LRRTM4: variants seen among roughly 807,000 people sequenced by gnomAD.
LRRTM4 encodes the protein leucine-rich repeat transmembrane neuronal protein 4.
LRRTM4 carries 25 observed loss-of-function variants against 47.6 expected under a neutral mutation model. The observed-to-expected ratio is 0.53, with a 90% CI of 0.38 to 0.73. The LOEUF is 0.73. Ranked by LOEUF, LRRTM4 falls within the 30% of genes least tolerant of loss-of-function variation. The pLI is 0.00. For synonymous variants in LRRTM4, 311 were observed against 269.5 expected, an observed-to-expected ratio of 1.15 and a Z score of -1.51; for missense variants, 638 against 713.4, an observed-to-expected ratio of 0.89 and a Z score of 1.20.
intron 3 of LRRTM4, among the ~76,000 whole-genome samples, chr2:77,016,132 A>T (rs1393908110): frequency 1.3e-5 from 2 of 152,102 alleles, no homozygotes; most frequent in Admixed American, 1.3e-4. Flanking sequence ...TCATGCCTAT[A>T]ATCCCAGCAC....
intron 3 of LRRTM4, among the ~76,000 whole-genome samples, chr2:77,376,610 T>C (rs1672851338): frequency 6.6e-6 from 1 of 151,772 alleles, no homozygotes; most frequent in African/African-American, 2.4e-5. Context: ...CTTATGCCGA[T>C]TGATCTCTCT....
At chr2:77,217,279 G>T (rs1432610435) in intron 3 of LRRTM4, among the ~76,000 whole-genome samples, 1 of 149,960 alleles carries the variant, frequency 6.7e-6, no homozygotes, top group Non-Finnish European at 1.5e-5. Flanking sequence ...AGAATTTTGA[G>T]GTTAACCTAC....
chr2:77,149,230 A>G (rs1335085802), intron 3 of LRRTM4, among the ~76,000 whole-genome samples: 1 of 152,130 alleles, frequency 6.6e-6, no homozygotes, highest in African/African-American at 2.4e-5. Context: ...AAATATCTCA[A>G]TGACCTTTTT....
intron 3 of LRRTM4, among the ~76,000 whole-genome samples, chr2:76,829,176 T>G (rs548786530): frequency 2.2e-4 from 34 of 152,098 alleles, no homozygotes; most frequent in Non-Finnish European, 4.4e-4. Context: ...CTCTGGAGAT[T>G]GGCCACACAG....
intron 3 of LRRTM4, among the ~76,000 whole-genome samples, chr2:76,753,915 G>A (rs953815208): frequency 3.3e-5 from 5 of 152,052 alleles, no homozygotes; most frequent in Admixed American, 6.6e-5. Context: ...GTTGTAAGTC[G>A]CTTAAGAGTC....
intron 3 of LRRTM4, among the ~76,000 whole-genome samples, chr2:76,994,062 C>T (rs971455977): frequency 1.3e-5 from 2 of 151,840 alleles, no homozygotes; most frequent in East Asian, 1.9e-4. Flanking sequence ...ACATTGGGTA[C>T]TCGTGGACAT....
chr2:77,143,750 G>C (rs1481702154), intron 3 of LRRTM4, among the ~76,000 whole-genome samples: 2 of 152,152 alleles, frequency 1.3e-5, no homozygotes, highest in Non-Finnish European at 2.9e-5. Flanking sequence ...TAAGAGCCCA[G>C]TAGTAAAATA....
At chr2:76,896,220 A>G (rs1673413010) in intron 3 of LRRTM4, among the ~76,000 whole-genome samples, 1 of 152,072 alleles carries the variant, frequency 6.6e-6, no homozygotes, top group Non-Finnish European at 1.5e-5. Context: ...ACAAACACAC[A>G]CACACACAGA....
chr2:76,853,305 T>C (rs1056873033), intron 3 of LRRTM4, among the ~76,000 whole-genome samples: 41 of 152,256 alleles, frequency 2.7e-4, no homozygotes, highest in Non-Finnish European at 4.3e-4. Flanking sequence ...CAGAACTCAA[T>C]TGAATTGAAA....
chr2:77,076,464 C>T lies in LRRTM4; in HGVS notation c.1552-327548G>A, dbSNP rs555054432. On this transcript the variant is annotated intron_variant, in intron 3 of 3. Transcript: ENST00000409884. ...CTTGAAATATAGTCAGAGAATGAAACAAGCAGTGTATAAAAAACAGATATT... is the reference window on the plus strand; with the variant it reads ...CTTGAAATATAGTCAGAGAATGAAATAAGCAGTGTATAAAAAACAGATATT... Among the ~76,000 whole-genome samples the T allele has an allele frequency of 1.2e-4, 19 of 152,220 alleles. No homozygotes were observed. The South Asian group carries it at 3.7e-3, about 30-fold the overall frequency.
intron 3 of LRRTM4, among the ~76,000 whole-genome samples, chr2:77,465,873 G>C (rs1178555368): frequency 6.6e-6 from 1 of 150,668 alleles, no homozygotes. Context: ...TCACTGATTA[G>C]ATTCCTATTA....
intron 3 of LRRTM4, among the ~76,000 whole-genome samples, chr2:77,151,828 CA>C (rs1166756668): frequency 1.3e-5 from 2 of 152,036 alleles, no homozygotes; most frequent in African/African-American, 2.4e-5. Flanking sequence ...GCAGATCAAA[CA>C]TTTTTTTAAA....
At chr2:77,012,205 C>G (rs531283675) in intron 3 of LRRTM4, among the ~76,000 whole-genome samples, 1 of 151,954 alleles carries the variant, frequency 6.6e-6, no homozygotes, top group African/African-American at 2.4e-5. Flanking sequence ...GGGAAGCTTA[C>G]TCAAGTATTT....
chr2:77,082,989 A>T (rs916520681), intron 3 of LRRTM4, among the ~76,000 whole-genome samples: 2 of 152,142 alleles, frequency 1.3e-5, no homozygotes, highest in African/African-American at 4.8e-5. Context: ...CAATAATTTG[A>T]TATTTTCAGT....
chr2:77,490,893 AAG>A (rs1413126730), intron 3 of LRRTM4, among the ~76,000 whole-genome samples: 2 of 152,356 alleles, frequency 1.3e-5, no homozygotes, highest in African/African-American at 4.8e-5. Context: ...AACAAAGAAA[AAG>A]AAAAAAAAGC....
At chr2:77,338,645 T>C (rs1671252916) in intron 3 of LRRTM4, among the ~76,000 whole-genome samples, 1 of 152,080 alleles carries the variant, frequency 6.6e-6, no homozygotes, top group African/African-American at 2.4e-5. Flanking sequence ...TCATACACTG[T>C]TGATGGGAAT....
intron 3 of LRRTM4, among the ~76,000 whole-genome samples, chr2:77,195,126 T>A (rs1558628319): frequency 1.3e-5 from 2 of 151,938 alleles, no homozygotes; most frequent in African/African-American, 4.8e-5. Context: ...TTTCATGTAT[T>A]TACTATATAA....
chr2:76,856,202 A>T (rs1573217403), intron 3 of LRRTM4, among the ~76,000 whole-genome samples: 1 of 152,180 alleles, frequency 6.6e-6, no homozygotes, highest in Admixed American at 6.5e-5. Context: ...CCTTGAACCC[A>T]GGAGGCAGAG....
At chr2:76,883,380 T>C (rs1250578594) in intron 3 of LRRTM4, among the ~76,000 whole-genome samples, 1 of 149,714 alleles carries the variant, frequency 6.7e-6, no homozygotes, top group Non-Finnish European at 1.5e-5. Flanking sequence ...GAACCAAAAA[T>C]GGATTAATGG....
Sources: allele counts gnomAD v4.1 joint callset (sites outside exome capture counted in the v4.1 genomes callset), GRCh38; gene constraint gnomAD v4.1.1; transcripts MANE v1.5; gene names NCBI Gene and HGNC (gene_info 2026-07-23, HGNC 2026-07-21).